The following EML4 variants were observed in gnomAD, a reference collection of about 807,000 sequenced individuals.
The protein encoded by EML4 is EMAP like 4, also known as echinoderm microtubule-associated protein-like 4.
Under a neutral mutation model 129.0 loss-of-function variants are expected in EML4, and 72 were observed. The ratio of observed to expected loss-of-function variants is 0.56; its 90% CI spans 0.46 to 0.68. The LOEUF (loss-of-function observed/expected upper bound fraction) is 0.68, where lower values mean the gene tolerates loss of function less well. EML4 is among the 30% of genes least tolerant of loss of function. The pLI, the probability that EML4 is intolerant of heterozygous loss-of-function variation, is 0.00. For missense variants in EML4, 1,363 were observed against 1,190.6 expected (o/e 1.14, Z -2.13); for synonymous variants, 532 against 405.0 (o/e 1.31, Z -3.77).
intron 5 of EML4, 92 bp downstream of exon 5, chr2:42,263,398 C>CTTTTTTTTTTTTTTTTTTTTTT (rs67401314): frequency 4.9e-6 from 1 of 202,600 alleles, no homozygotes; most frequent in Non-Finnish European, 8.2e-6. Flanking sequence ...TGGTTTGAAT[C>CTTTTTTTTTTTTTTTTTTTTTT]TTTTTTTTTT....
chr2:42,189,608 A>G (rs1342442692), intron 1 of EML4, among the ~76,000 whole-genome samples: 1 of 152,202 alleles, frequency 6.6e-6, no homozygotes, highest in African/African-American at 2.4e-5. Context: ...TTACTTTCAA[A>G]AACATGATCT....
At chr2:42,277,570 C>CT (rs869297928) in intron 6 of EML4, among the ~76,000 whole-genome samples, 37,387 of 136,548 alleles carry the variant, frequency 0.27, 5,552 homozygotes, top group South Asian at 0.4. Context: ...CAAGCACAAC[C>CT]TTTTTTTTTT....
At chr2:42,211,476 T>C (rs1311380753) in intron 1 of EML4, among the ~76,000 whole-genome samples, 2 of 152,192 alleles carry the variant, frequency 1.3e-5, no homozygotes, top group African/African-American at 4.8e-5. Context: ...GGGTGGAATC[T>C]TGTGTTGCTA....
chr2:42,175,974 G>GT (rs556941542), intron 1 of EML4, among the ~76,000 whole-genome samples: 126 of 148,674 alleles, frequency 8.5e-4, no homozygotes, highest in African/African-American at 2.8e-3. Context: ...TTTGCATTCT[G>GT]TTTTTTTCGT....
At chr2:42,222,092 A>G (rs1357791785) in intron 1 of EML4, among the ~76,000 whole-genome samples, 1 of 152,090 alleles carries the variant, frequency 6.6e-6, no homozygotes, top group Non-Finnish European at 1.5e-5. Context: ...AAGTTGAGTC[A>G]TGTTAATTAA....
At chr2:42,296,264 A>G (rs1157357497) in intron 13 of EML4, among the ~76,000 whole-genome samples, 1 of 152,128 alleles carries the variant, frequency 6.6e-6, no homozygotes, top group Middle Eastern at 3.2e-3. Context: ...AGGAGAAGAG[A>G]GAGATTCTTA....
At chr2:42,206,691 C>G (rs1672567145) in intron 1 of EML4, among the ~76,000 whole-genome samples, 1 of 152,090 alleles carries the variant, frequency 6.6e-6, no homozygotes, top group Non-Finnish European at 1.5e-5. Context: ...TCTTCATGAT[C>G]AGATTTAGGA....
intron 1 of EML4, among the ~76,000 whole-genome samples, chr2:42,176,720 T>C (rs1460495042): frequency 6.6e-6 from 1 of 152,226 alleles, no homozygotes; most frequent in Admixed American, 6.5e-5. Context: ...CCAATAGTTA[T>C]AAGGTGAAAG....
chr2:42,190,093 A>G (rs1215527350), intron 1 of EML4, among the ~76,000 whole-genome samples: 1 of 152,204 alleles, frequency 6.6e-6, no homozygotes, highest in East Asian at 1.9e-4. Context: ...AAGATTTGTT[A>G]AAAGAAAGCA....
chr2:42,251,350 T>A (rs1207430642), intron 2 of EML4, among the ~76,000 whole-genome samples: 1 of 152,262 alleles, frequency 6.6e-6, no homozygotes, highest in Non-Finnish European at 1.5e-5. Context: ...CATTATGCAG[T>A]GCATGACTGT....
At chr2:42,173,970 A>G (rs1572823834) in intron 1 of EML4, among the ~76,000 whole-genome samples, 1 of 152,348 alleles carries the variant, frequency 6.6e-6, no homozygotes, top group South Asian at 2.1e-4. Flanking sequence ...CAAGCAAGTA[A>G]CTTCTGAGAG....
chr2:42,222,891 C>T (rs1021945844), intron 1 of EML4, among the ~76,000 whole-genome samples: 14 of 152,038 alleles, frequency 9.2e-5, no homozygotes, highest in East Asian at 1.9e-4. Flanking sequence ...CTCCGCCTCC[C>T]GGGTTCACGC....
intron 1 of EML4, among the ~76,000 whole-genome samples, chr2:42,222,244 T>A (rs1308462882): frequency 6.6e-6 from 1 of 152,082 alleles, no homozygotes; most frequent in African/African-American, 2.4e-5. Context: ...TTTTAACAAA[T>A]TTTTTGCAAG....
chr2:42,173,731 C>T (rs1370422825), intron 1 of EML4, among the ~76,000 whole-genome samples: 1 of 152,148 alleles, frequency 6.6e-6, no homozygotes, highest in Non-Finnish European at 1.5e-5. Context: ...GTAACCCCAG[C>T]TACTTGGGAG....
chr2:42,187,725 G>A (rs1308044269), intron 1 of EML4, among the ~76,000 whole-genome samples: 1 of 151,946 alleles, frequency 6.6e-6, no homozygotes, highest in Non-Finnish European at 1.5e-5. Context: ...TATGCTTTGG[G>A]TACAAGTCCT....
intron 1 of EML4, among the ~76,000 whole-genome samples, chr2:42,195,635 A>T (rs1671857829): frequency 6.6e-6 from 1 of 152,228 alleles, no homozygotes; most frequent in African/African-American, 2.4e-5. Flanking sequence ...TACCAGCATT[A>T]AACATGAGTT....
At chr2:42,286,989 T>A (rs998322915) in intron 10 of EML4, among the ~76,000 whole-genome samples, 1 of 152,216 alleles carries the variant, frequency 6.6e-6, no homozygotes, top group African/African-American at 2.4e-5. Context: ...GGTTTTTTCT[T>A]GAATTGTATG....
chr2:42,216,210 C>G (rs113597629), intron 1 of EML4, among the ~76,000 whole-genome samples: 14 of 140,704 alleles, frequency 9.9e-5, no homozygotes, highest in African/African-American at 3.2e-4. Flanking sequence ...CAAGCATGAG[C>G]TACCACACCC....
chr2:42,316,262 A>T (rs922576090), intron 18 of EML4, among the ~76,000 whole-genome samples: 4 of 152,262 alleles, frequency 2.6e-5, no homozygotes, highest in African/African-American at 9.6e-5. Context: ...CATCAAATTT[A>T]AAATGGACAG....
Sources: allele counts gnomAD v4.1 joint callset (sites outside exome capture counted in the v4.1 genomes callset), GRCh38; gene constraint gnomAD v4.1.1; transcripts MANE v1.5; gene names NCBI Gene and HGNC (gene_info 2026-07-23, HGNC 2026-07-21).